Variants in ELF2 observed in about 807,000 individuals in gnomAD.
ELF2 encodes the protein E74 like ETS transcription factor 2.
Under a neutral mutation model 54.8 loss-of-function variants are expected in ELF2, and 11 were observed. The ratio of observed to expected loss-of-function variants is 0.20; its 90% confidence interval spans 0.13 to 0.33. The LOEUF is 0.33. ELF2 is among the 10% of genes least tolerant of loss of function. The probability of loss-of-function intolerance (pLI) is 1.00; values close to 1 mark genes in which losing one functional copy is unlikely to be tolerated. For missense variants in ELF2, 513 were observed against 703.0 expected (o/e 0.73, Z 3.06); for synonymous variants, 203 against 245.1 (o/e 0.83, Z 1.61).
intron 3 of ELF2, among the ~76,000 whole-genome samples, chr4:139,132,988 A>G (rs918075063): frequency 1.6e-4 from 24 of 151,350 alleles, no homozygotes; most frequent in African/African-American, 5.3e-4. Context: ...GCCTCCCCCA[A>G]TCTCGGCTCA....
At chr4:139,126,879 A>G (rs887130181) in intron 3 of ELF2, among the ~76,000 whole-genome samples, 2 of 152,214 alleles carry the variant, frequency 1.3e-5, no homozygotes, top group African/African-American at 2.4e-5. Flanking sequence ...CAAATACAGG[A>G]TAGAAGAGAT....
intron 1 of ELF2, among the ~76,000 whole-genome samples, chr4:139,150,590 C>T (rs1036934762): frequency 9.3e-5 from 14 of 151,312 alleles, no homozygotes; most frequent in African/African-American, 3.4e-4. Flanking sequence ...TCAAGAACTG[C>T]TGTAGTCTAT....
chr4:139,107,230 A>G (rs551992300), intron 4 of ELF2, among the ~76,000 whole-genome samples: 2 of 152,376 alleles, frequency 1.3e-5, no homozygotes, highest in South Asian at 2.1e-4. Flanking sequence ...AAAGGAAAAA[A>G]ACAAAGGAAA....
chr4:139,068,299 G>A (rs554272678), intron 6 of ELF2, among the ~76,000 whole-genome samples: 30 of 152,162 alleles, frequency 2.0e-4, no homozygotes, highest in Admixed American at 5.2e-4. Context: ...GATTACAGGC[G>A]TGAGCCACTG....
chr4:139,067,978 C>T (rs1366681674), intron 6 of ELF2, among the ~76,000 whole-genome samples: 1 of 151,774 alleles, frequency 6.6e-6, no homozygotes, highest in Non-Finnish European at 1.5e-5. Flanking sequence ...CTGTCATACA[C>T]ATTGGCAGAG....
chr4:139,060,668 G>A lies in ELF2; in HGVS notation c.813C>T (p.Tyr271=), dbSNP rs1418166726. Residue 271 remains tyrosine (Y), a synonymous_variant, in exon 9 of 10, where the codon TAC becomes TAT. Coordinates refer to ENST00000686138, the MANE Select transcript of ELF2 (RefSeq NM_001331036.3). ...YETMGRALRY[Y]YQRGILAKVE... ...CCTTTGCAAGAATTCCCCTTTGGTA[G>A]TAGTATCTGTAAGGGGAAAATGTAC... 6.3e-7 allele frequency: 1 copy of A among 1,582,876 alleles called. No homozygotes were observed. Among genetic ancestry groups the A allele is most frequent in the Non-Finnish European group, 8.6e-7 (1 of 1,165,096 alleles).
chr4:139,112,167 TA>T, intron 4 of ELF2, among the ~76,000 whole-genome samples: 1 of 152,302 alleles, frequency 6.6e-6, no homozygotes, highest in Non-Finnish European at 1.5e-5. Flanking sequence ...TCATAATTCA[TA>T]TCTAGCCCTA....
At chr4:139,168,992 T>C (rs1741985134) in intron 1 of ELF2, among the ~76,000 whole-genome samples, 1 of 152,082 alleles carries the variant, frequency 6.6e-6, no homozygotes, top group Non-Finnish European at 1.5e-5. Flanking sequence ...TTCTCATGCA[T>C]GAATACCTGA....
intron 6 of ELF2, among the ~76,000 whole-genome samples, chr4:139,068,613 T>A (rs563547041): frequency 2.1e-4 from 32 of 152,334 alleles, no homozygotes; most frequent in African/African-American, 7.5e-4. Flanking sequence ...ATATGTCTAA[T>A]AAAGGTTTGT....
intron 1 of ELF2, among the ~76,000 whole-genome samples, chr4:139,156,664 G>T (rs1384996096): frequency 6.6e-6 from 1 of 151,510 alleles, no homozygotes; most frequent in African/African-American, 2.4e-5. Flanking sequence ...GTTAAAGACA[G>T]AGTCTCACTC....
In ELF2 at chr4:139,125,425, CATA is replaced by C. The variant is rs553840723; in HGVS notation, c.73-99_73-97del. On this transcript the variant is annotated intron_variant, in intron 3 of 9. Coordinates refer to ENST00000686138, the MANE Select transcript of ELF2 (RefSeq NM_001331036.3). Reference sequence around the variant, plus strand: ...AACTAATACAGTCTCGAGCAGTCCACATAATGAGTTTCAAATATTATAAATATG... The same window carrying C: ...AACTAATACAGTCTCGAGCAGTCCACATGAGTTTCAAATATTATAAATATG... 378 of 1,393,874 alleles carry C rather than the reference CATA, an allele frequency of 2.7e-4. 8 individuals carry two copies. In the South Asian group the frequency reaches 3.7e-3, roughly 14 times the overall value. The allele number at this position is 1,393,874 out of a possible 1,614,324, so 86.3% of individuals were successfully genotyped here. A position where few individuals can be genotyped will look rare whatever the true frequency, so the allele number is the denominator to read the frequency against.
intron 4 of ELF2, among the ~76,000 whole-genome samples, chr4:139,112,229 T>A (rs1735024884): frequency 6.6e-6 from 1 of 152,216 alleles, no homozygotes; most frequent in East Asian, 1.9e-4. Flanking sequence ...CCTCCAGACT[T>A]TCAACCTTGC....
At chr4:139,167,755 C>T (rs1042819973) in intron 1 of ELF2, among the ~76,000 whole-genome samples, 1 of 152,164 alleles carries the variant, frequency 6.6e-6, no homozygotes, top group Non-Finnish European at 1.5e-5. Flanking sequence ...AAGTCTGGTA[C>T]TCGAAGTCTG....
At chr4:139,118,479 G>C (rs1236674122) in intron 4 of ELF2, among the ~76,000 whole-genome samples, 1 of 152,070 alleles carries the variant, frequency 6.6e-6, no homozygotes, top group East Asian at 1.9e-4. Flanking sequence ...AAAATAACTA[G>C]GAGAATACAG....
At chr4:139,082,041 T>C (rs569391040) in intron 4 of ELF2, among the ~76,000 whole-genome samples, 3 of 152,332 alleles carry the variant, frequency 2.0e-5, no homozygotes, top group East Asian at 1.9e-4. Context: ...CAGTCTTTTA[T>C]ATACACACAT....
At chr4:139,111,520 G>T in intron 4 of ELF2, among the ~76,000 whole-genome samples, 1 of 149,280 alleles carries the variant, frequency 6.7e-6, no homozygotes, top group African/African-American at 2.5e-5. Flanking sequence ...TACAGACAAG[G>T]TCTCAATATA....
rs1264058068 is a variant in ELF2 at position 139,057,528 on chromosome 4, G to C, written c.*1455C>G. On this transcript the variant is annotated 3_prime_UTR_variant, in exon 10 of 10. Coordinates refer to ENST00000686138, the MANE Select transcript of ELF2 (RefSeq NM_001331036.3). ...TTCAGATACCTTAACTTCCTAATCT[G>C]TAAAAGGGCTAGAAGAGTAATTGTT... 6.6e-6 allele frequency: 1 copy of C among 152,164 alleles called. No homozygotes were observed. The highest frequency in any genetic ancestry group is 1.5e-5 in the Non-Finnish European group (1 of 68,022). 9.4% of individuals were successfully genotyped at this position (152,164 alleles called of 1,614,324 possible). A position where few individuals can be genotyped will look rare whatever the true frequency, so the allele number is the denominator to read the frequency against.
Position 139,057,725 on chromosome 4 carries a change from T to G in ELF2, c.*1258A>C, listed in dbSNP as rs145211818. On this transcript the variant is annotated 3_prime_UTR_variant, in exon 10 of 10. Coordinates refer to ENST00000686138, the MANE Select transcript of ELF2 (RefSeq NM_001331036.3). ...CAACATGCAGATATTTGCCAAATAT[T>G]AATATAATGGAAGTAGAATTTCTTC... The G allele has an allele frequency of 6.6e-6, 1 of 152,256 alleles. No homozygotes were observed. Among genetic ancestry groups the G allele is most frequent in the African/African-American group, 2.4e-5 (1 of 41,440 alleles). 9.4% of individuals were successfully genotyped at this position (152,256 alleles called of 1,614,324 possible). A position where few individuals can be genotyped will look rare whatever the true frequency, so the allele number is the denominator to read the frequency against.
At chr4:139,126,028 A>G (rs1195214758) in intron 3 of ELF2, among the ~76,000 whole-genome samples, 1 of 152,176 alleles carries the variant, frequency 6.6e-6, no homozygotes, top group Non-Finnish European at 1.5e-5. Context: ...GGAGTGTCCA[A>G]CTAGCTTTTT....
Sources: gnomAD v4.1 joint callset for allele counts (sites outside exome capture counted in the v4.1 genomes callset) on GRCh38, gnomAD v4.1.1 for gene constraint, MANE v1.5 for transcripts, NCBI Gene and HGNC (gene_info 2026-07-23, HGNC 2026-07-21) for gene names.